Variants in MPP7 observed in about 807,000 individuals in gnomAD.
The protein encoded by MPP7 is MAGUK p55 subfamily member 7.
In MPP7, 60 loss-of-function variants were observed where a neutral mutation model predicts 76.5. That is an observed-to-expected ratio of 0.78 (90% confidence interval 0.64 to 0.97). The LOEUF (loss-of-function observed/expected upper bound fraction) is 0.97, where lower values mean the gene tolerates loss of function less well. Ranked by LOEUF, MPP7 falls within the 50% of genes least tolerant of loss-of-function variation. The probability of loss-of-function intolerance (pLI) is 0.00; values close to 1 mark genes in which losing one functional copy is unlikely to be tolerated. For missense variants in MPP7, 641 were observed against 694.0 expected (o/e 0.92, Z 0.86); for synonymous variants, 237 against 244.5 (o/e 0.97, Z 0.29).
At chr10:28,155,982 A>G (rs1836048172) in intron 3 of MPP7, among the ~76,000 whole-genome samples, 1 of 152,232 alleles carries the variant, frequency 6.6e-6, no homozygotes, top group South Asian at 2.1e-4. Flanking sequence ...CAAGATAAAC[A>G]TATAGGCCCA....
At chr10:28,207,169 A>C (rs11006917) in intron 2 of MPP7, among the ~76,000 whole-genome samples, 27,302 of 152,088 alleles carry the variant, frequency 0.18, 3,056 homozygotes, top group East Asian at 0.56. Context: ...ATCTCACCTT[A>C]TATTTGGGTA....
At chr10:28,114,692 G>C (rs2801850) in intron 11 of MPP7, among the ~76,000 whole-genome samples, 136,641 of 152,204 alleles carry the variant, frequency 0.9, 61,351 homozygotes, top group East Asian at 0.95. Context: ...ACCGCAATCC[G>C]TCCTAAAAGT....
At chr10:28,291,315 A>T (rs1840913503) in intron 1 of MPP7, among the ~76,000 whole-genome samples, 1 of 152,204 alleles carries the variant, frequency 6.6e-6, no homozygotes, top group Non-Finnish European at 1.5e-5. Context: ...AGGGATTAAG[A>T]CTGATATTGG....
intron 16 of MPP7, 61 bp downstream of exon 16, chr10:28,056,418 CA>C (rs1851557754): frequency 6.5e-7 from 1 of 1,536,998 alleles, no homozygotes; most frequent in African/African-American, 1.4e-5. Context: ...TTCGGCCTCC[CA>C]AAGTGCTGGG....
Position 28,262,273 on chromosome 10 carries a change from A to AT in MPP7, c.-131-23539dup, listed in dbSNP as rs1564741737. Among the ~76,000 whole-genome samples, 29 of 54,826 alleles carry AT rather than the reference A, an allele frequency of 5.3e-4. 1 individual carries two copies. The highest frequency in any genetic ancestry group is 1.0e-3 in the African/African-American group (13 of 12,628). The allele number at this position is 54,826 out of a possible 152,430, so 36.0% of individuals were successfully genotyped here. ...TATATATATATGTATATATATATAT[A>AT]TATATTTTTTTTTTTTTCTTCACCA... On this transcript the variant is annotated intron_variant, in intron 1 of 16. Coordinates refer to ENST00000683449, the MANE Select transcript of MPP7 (RefSeq NM_001318170.2).
chr10:28,236,878 T>C (rs578124881), intron 2 of MPP7: 50 of 152,268 alleles, frequency 3.3e-4, no homozygotes, highest in African/African-American at 1.1e-3. Flanking sequence ...ATCTGATGCA[T>C]ACGCCGTACT....
At chr10:28,311,786 A>AC (rs35824004) in intron 2 of MPP7, among the ~76,000 whole-genome samples, 4 of 151,176 alleles carry the variant, frequency 2.6e-5, no homozygotes, top group African/African-American at 4.9e-5. Flanking sequence ...ACACACACAC[A>AC]AACACTGAGA....
At chr10:28,330,158 T>C (rs1316848011) in intron 1 of MPP7, among the ~76,000 whole-genome samples, 3 of 152,206 alleles carry the variant, frequency 2.0e-5, no homozygotes, top group Non-Finnish European at 4.4e-5. Context: ...TGGAGTACCT[T>C]ATATCAGCTG....
chr10:28,151,444 G>A (rs1439726133), intron 3 of MPP7, among the ~76,000 whole-genome samples: 2 of 152,088 alleles, frequency 1.3e-5, no homozygotes, highest in African/African-American at 4.8e-5. Context: ...TAATTATCGA[G>A]AATTAAGACA....
intron 12 of MPP7, among the ~76,000 whole-genome samples, chr10:28,080,052 CAA>C (rs977422062): frequency 1.0e-5 from 1 of 95,766 alleles, no homozygotes; most frequent in African/African-American, 4.3e-5. Context: ...TGCAGTGAGC[CAA>C]GATTGGGAGG....
At chr10:28,097,900 T>C (rs1203040698) in intron 11 of MPP7, among the ~76,000 whole-genome samples, 1 of 152,160 alleles carries the variant, frequency 6.6e-6, no homozygotes, top group East Asian at 1.9e-4. Context: ...GGACCATGAC[T>C]AGAAAATAAA....
chr10:28,181,391 T>C lies in MPP7; in HGVS notation c.156+20762A>G, dbSNP rs186682301. Among the ~76,000 whole-genome samples, 2 of 152,338 alleles carry C rather than the reference T, an allele frequency of 1.3e-5. 1 individual carries two copies. The highest frequency in any genetic ancestry group is 2.9e-5 in the Non-Finnish European group (2 of 68,026). ...ATTTTAAACCAGGTGGATAAAAATATCTTTCTTTATTAACTATCATCTGTC... is the reference window on the plus strand; with the variant it reads ...ATTTTAAACCAGGTGGATAAAAATACCTTTCTTTATTAACTATCATCTGTC... On this transcript the variant is annotated intron_variant, in intron 3 of 16. Coordinates refer to ENST00000683449, the MANE Select transcript of MPP7 (RefSeq NM_001318170.2).
At chr10:28,139,773 G>A (rs561270389) in intron 5 of MPP7, among the ~76,000 whole-genome samples, 1 of 152,260 alleles carries the variant, frequency 6.6e-6, no homozygotes, top group South Asian at 2.1e-4. Context: ...TTCAGGAACA[G>A]TCACATTGTA....
chr10:28,258,051 C>G (rs898783482), intron 1 of MPP7, among the ~76,000 whole-genome samples: 1 of 151,942 alleles, frequency 6.6e-6, no homozygotes, highest in Non-Finnish European at 1.5e-5. Flanking sequence ...CAGAACTTGA[C>G]AATATTGAGT....
At chr10:28,092,462 T>C (rs1245170387) in intron 11 of MPP7, among the ~76,000 whole-genome samples, 2 of 152,146 alleles carry the variant, frequency 1.3e-5, no homozygotes, top group South Asian at 2.1e-4. Flanking sequence ...AAATCACACA[T>C]GCAGAGAGGA....
chr10:28,249,202 G>T (rs1353923744), intron 1 of MPP7, among the ~76,000 whole-genome samples: 1 of 151,214 alleles, frequency 6.6e-6, no homozygotes, highest in Non-Finnish European at 1.5e-5. Context: ...CCTGTCCAAA[G>T]GAAAAAGACT....
At chr10:28,162,960 T>C (rs1395876838) in intron 3 of MPP7, among the ~76,000 whole-genome samples, 2 of 152,088 alleles carry the variant, frequency 1.3e-5, no homozygotes, top group African/African-American at 2.4e-5. Context: ...GAGCTTGTGA[T>C]TACATTGGTT....
intron 3 of MPP7, among the ~76,000 whole-genome samples, chr10:28,167,314 A>AAAACAAAC (rs71391017): frequency 1.5e-5 from 2 of 137,872 alleles, no homozygotes; most frequent in African/African-American, 5.4e-5. Flanking sequence ...CTGCCTCAAA[A>AAAACAAAC]AAACAAACAA....
intron 1 of MPP7, among the ~76,000 whole-genome samples, chr10:28,265,606 T>C (rs1032915652): frequency 6.6e-6 from 1 of 152,168 alleles, no homozygotes; most frequent in Non-Finnish European, 1.5e-5. Flanking sequence ...AAAATTCCAC[T>C]TTGAAACTCT....
Sources: allele counts gnomAD v4.1 joint callset (sites outside exome capture counted in the v4.1 genomes callset), GRCh38; gene constraint gnomAD v4.1.1; transcripts MANE v1.5; gene names NCBI Gene and HGNC (gene_info 2026-07-23, HGNC 2026-07-21).